TRPC5: variants seen among roughly 807,000 people sequenced by gnomAD.
TRPC5 encodes short transient receptor potential channel 5.
A neutral mutation model predicts 56.5 loss-of-function variants in TRPC5; 9 were observed. The ratio of observed to expected loss-of-function variants is 0.16; its 90% CI spans 0.10 to 0.28. TRPC5 has a LOEUF of 0.28. TRPC5 is among the 10% of genes least tolerant of loss of function. The pLI is 1.00. For synonymous variants in TRPC5, 282 were observed against 278.5 expected (o/e 1.01, Z -0.13); for missense variants, 469 against 748.9 (o/e 0.63, Z 4.36).
intron 1 of TRPC5, among the ~76,000 whole-genome samples, chrX:112,012,213 G>A (rs1419925133): frequency 9.0e-5 from 10 of 111,036 alleles, no homozygotes; most frequent in African/African-American, 2.6e-4. Flanking sequence ...TATAAAATAA[G>A]GGACAGCCTC....
intron 3 of TRPC5, among the ~76,000 whole-genome samples, chrX:111,891,432 T>A (rs1924798633): frequency 8.9e-6 from 1 of 112,558 alleles, no homozygotes. Flanking sequence ...ATTCTTGCTC[T>A]GCTACTAACC....
rs1421671340 is a variant in TRPC5 at position 111,847,392 on chromosome X, C to T, written c.1422G>A (p.Pro474=). ...RPREEWEMWH[P]TLIAEALFAI... ...CGAAGAGTGCTTCCGCAATCAGAGT[C>T]GGGTGCCACATTTCCCATTCCTCCC... The change falls in exon 6 of 11, where the codon CCG becomes CCA. Residue 474 remains proline, a synonymous_variant. Transcript: ENST00000262839. 4.1e-6 allele frequency: 5 copies of T among 1,210,913 alleles called. No individual in the cohort carries two copies. The highest frequency in any genetic ancestry group is 1.8e-5 in the South Asian group (1 of 56,862).
intron 1 of TRPC5, among the ~76,000 whole-genome samples, chrX:111,968,719 G>T (rs1445110487): frequency 9.6e-6 from 1 of 103,819 alleles, no homozygotes; most frequent in African/African-American, 3.5e-5. Context: ...GCAAACTATC[G>T]CAAGGACAAA....
At chrX:111,956,872 C>A (rs186412885) in intron 1 of TRPC5, among the ~76,000 whole-genome samples, 1 of 111,658 alleles carries the variant, frequency 9.0e-6, no homozygotes, top group African/African-American at 3.3e-5. Context: ...TCCTCACCTG[C>A]GTGGTGAACA....
intron 1 of TRPC5, among the ~76,000 whole-genome samples, chrX:112,001,126 C>CT (rs1012658167): frequency 2.7e-5 from 3 of 112,274 alleles, no homozygotes; most frequent in African/African-American, 9.7e-5. Context: ...GGCCAAAAAA[C>CT]TTTGAGTCAT....
chrX:111,975,585 C>T (rs1927899606), intron 1 of TRPC5, among the ~76,000 whole-genome samples: 1 of 110,734 alleles, frequency 9.0e-6, no homozygotes. Context: ...CAGCCCCACA[C>T]CCCCCGACAG....
intron 2 of TRPC5, among the ~76,000 whole-genome samples, chrX:111,924,515 G>A (rs1176304760): frequency 9.1e-6 from 1 of 110,381 alleles, no homozygotes; most frequent in African/African-American, 3.3e-5. Context: ...AAATCTAGAA[G>A]CAAAATTCAT....
intron 5 of TRPC5, among the ~76,000 whole-genome samples, chrX:111,849,342 A>T (rs990706273): frequency 1.8e-5 from 2 of 112,624 alleles, no homozygotes; most frequent in Admixed American, 1.9e-4. Flanking sequence ...GGGAATAAAC[A>T]TGGAGCTCAT....
Position 111,771,534 on chromosome X carries a change from T to A in TRPC5, c.*4779A>T, listed in dbSNP as rs1028641174. 9.0e-6 allele frequency among the ~76,000 whole-genome samples: 1 copy of A among 111,160 alleles called. No homozygotes were observed. The highest frequency in any genetic ancestry group is 3.3e-5 in the African/African-American group (1 of 30,561). On this transcript the variant is annotated 3_prime_UTR_variant, in exon 11 of 11. Transcript: ENST00000262839. ...TATCATTCCAGCAGTTAACTCTGTT[T>A]CTTAAACATTACATTTTCTAAAAGT...
intron 1 of TRPC5, among the ~76,000 whole-genome samples, chrX:112,036,760 C>T (rs1200280823): frequency 9.0e-6 from 1 of 111,435 alleles, no homozygotes; most frequent in East Asian, 2.8e-4. Context: ...TACCAACAAA[C>T]AGTTATCTGG....
chrX:112,011,899 T>C lies in TRPC5; in HGVS notation c.-21-59458A>G, dbSNP rs1000435486. Among the ~76,000 whole-genome samples, 4 of 111,910 alleles carry C rather than the reference T, an allele frequency of 3.6e-5. No homozygotes were observed. In the South Asian group the frequency reaches 1.5e-3, roughly 42 times the overall value. On this transcript the variant is annotated intron_variant, in intron 1 of 10. Coordinates refer to ENST00000262839, the MANE Select transcript of TRPC5 (RefSeq NM_012471.3). ...GTATACAGCATTATGTTTTTTCCTA[T>C]ACATATATACGTATGACAAAGCTTA... is the stretch of plus-strand genomic sequence containing the variant.
chrX:111,882,212 G>C (rs1432707261), intron 3 of TRPC5, among the ~76,000 whole-genome samples: 3 of 110,800 alleles, frequency 2.7e-5, no homozygotes, highest in African/African-American at 9.9e-5. Context: ...TATAATTCTG[G>C]GTGGAGTGTT....
chrX:111,807,423 TTCTA>T (rs1921549765), intron 7 of TRPC5, among the ~76,000 whole-genome samples: 1 of 112,543 alleles, frequency 8.9e-6, no homozygotes, highest in Middle Eastern at 4.6e-3. Flanking sequence ...TTTAAATTAT[TTCTA>T]TCTTTTTAAA....
At chrX:111,950,265 C>A (rs1185516737) in intron 2 of TRPC5, among the ~76,000 whole-genome samples, 5 of 109,570 alleles carry the variant, frequency 4.6e-5, no homozygotes. Context: ...GTGGAGCTTG[C>A]AGTGAGCCGA....
intron 3 of TRPC5, among the ~76,000 whole-genome samples, chrX:111,898,681 A>C (rs1248708420): frequency 2.7e-5 from 3 of 110,765 alleles, no homozygotes; most frequent in African/African-American, 9.8e-5. Flanking sequence ...TGTGGGGGTA[A>C]GGTGAGAGAC....
intron 2 of TRPC5, among the ~76,000 whole-genome samples, chrX:111,949,517 CA>C (rs1927018948): frequency 9.0e-6 from 1 of 111,388 alleles, no homozygotes; most frequent in South Asian, 3.8e-4. Context: ...ACAATCCCAT[CA>C]AAAAGTGGGC....
chrX:111,907,698 G>A (rs1925677197), intron 3 of TRPC5, among the ~76,000 whole-genome samples: 1 of 110,746 alleles, frequency 9.0e-6, no homozygotes, highest in Non-Finnish European at 1.9e-5. Context: ...TCATTTATTT[G>A]CATCGAAAGG....
chrX:111,837,512 G>A (rs1041099248), intron 6 of TRPC5, among the ~76,000 whole-genome samples: 14 of 111,830 alleles, frequency 1.3e-4, no homozygotes, highest in Non-Finnish European at 1.9e-4. Context: ...GTCCCTGGAA[G>A]CTGAATGACC....
At chrX:112,038,215 T>TAG (rs1350483713) in intron 1 of TRPC5, among the ~76,000 whole-genome samples, 1 of 112,072 alleles carries the variant, frequency 8.9e-6, no homozygotes, top group African/African-American at 3.2e-5. Context: ...TTTTCTGGTG[T>TAG]AGAAATTTAC....
Sources: allele counts gnomAD v4.1 joint callset (sites outside exome capture counted in the v4.1 genomes callset), GRCh38; gene constraint gnomAD v4.1.1; transcripts MANE v1.5; gene names NCBI Gene and HGNC (gene_info 2026-07-23, HGNC 2026-07-21).